The following IL22 variants were observed in gnomAD, a reference collection of about 807,000 sequenced individuals.
IL22 encodes the protein interleukin 22, also known as interleukin-22.
IL22 carries 15 observed loss-of-function variants against 15.5 expected under a neutral mutation model. The observed-to-expected ratio is 0.97, with a 90% CI of 0.65 to 1.49. The LOEUF (loss-of-function observed/expected upper bound fraction) is 1.49, where lower values mean the gene tolerates loss of function less well. Among genes scored for constraint, IL22 ranks in the 40% most tolerant of loss-of-function variants. The pLI, the probability that IL22 is intolerant of heterozygous loss-of-function variation, is 0.00. For synonymous variants in IL22, 91 were observed against 82.0 expected (o/e 1.11, Z -0.60); for missense variants, 225 against 215.4 (o/e 1.04, Z -0.28).
At chr12:68,251,701 G>T (rs1423234135) in intron 4 of IL22, 123 bp from the exon 5 acceptor site, 5 of 721,758 alleles carry the variant, frequency 6.9e-6, no homozygotes, top group Admixed American at 4.5e-5. Flanking sequence ...TGCCCACAAT[G>T]ACCTAGATTT....
At chr12:68,251,807 TC>T (rs781563027) in intron 4 of IL22, among the ~76,000 whole-genome samples, 58 of 152,294 alleles carry the variant, frequency 3.8e-4, no homozygotes, top group Non-Finnish European at 7.5e-4. Context: ...CTTTGGGAAA[TC>T]CTACTGAGGT....
rs1485417423 is a variant in IL22, at chr12:68,248,565, A to G, written c.*234T>C. 2.4e-6 allele frequency: 1 copy of G among 422,086 alleles called. No individual in the cohort carries two copies. The highest frequency in any genetic ancestry group is 3.8e-5 in the East Asian group (1 of 26,474). 26.1% of individuals were successfully genotyped at this position (422,086 alleles called of 1,614,324 possible). On this transcript the variant is annotated 3_prime_UTR_variant, in exon 6 of 6. Transcript: ENST00000538666. The stretch of plus-strand genomic sequence containing the variant: ...TTCTGTGTATAGAACACCAGTTACA[A>G]TGAAATGTTATCAATAAATATCTAT...
At chr12:68,251,434 A>T in intron 5 of IL22, 79 bp downstream of exon 5, 2 of 1,057,370 alleles carry the variant, frequency 1.9e-6, no homozygotes, top group Admixed American at 1.7e-5. Context: ...TCACAAAGTG[A>T]TGGGAAGAAA....
At position 68,253,444 on chromosome 12, in the gene IL22, G is replaced by A. The variant is rs759175508; in HGVS notation, c.5C>T (p.Ala2Val). ...AGAGCTCACAGATTTCTGCAGGGCGGCCATTGCAGACAATTCTAACTCGAG... is the reference window on the plus strand; with the variant it reads ...AGAGCTCACAGATTTCTGCAGGGCGACCATTGCAGACAATTCTAACTCGAG... MAALQKSVSSFL... is the reference protein window; with the variant it reads MVALQKSVSSFL... Residue 2 changes from alanine to valine, a missense_variant, in exon 2 of 6, where the codon GCC (alanine) becomes GTC (valine). Ala to Val is a moderately conservative substitution (Grantham distance 64). Coordinates refer to ENST00000538666, the MANE Select transcript of IL22 (RefSeq NM_020525.5). 1.4e-5 allele frequency: 23 copies of A among 1,594,250 alleles called. No homozygotes were observed. Among genetic ancestry groups the A allele is most frequent in the Non-Finnish European group, 1.8e-5 (21 of 1,168,338 alleles).
chr12:68,248,460 AT>A lies in IL22; in HGVS notation c.*338del, dbSNP rs1275412174. On this transcript the variant is annotated 3_prime_UTR_variant, in exon 6 of 6. Transcript: ENST00000538666. The stretch of plus-strand genomic sequence containing the variant: ...GTACTGATTATGGAAACATGAAGCT[AT>A]TTAGGGGTTTTTTCCCCTAAAGGAA... 1 of 163,500 alleles carries A rather than the reference AT, an allele frequency of 6.1e-6. No homozygotes were observed. The highest frequency in any genetic ancestry group is 1.3e-5 in the Non-Finnish European group (1 of 75,794). 10.1% of individuals were successfully genotyped at this position (163,500 alleles called of 1,614,324 possible).
Position 68,253,277 on chromosome 12 carries a change from T to A in IL22, c.172A>T (p.Met58Leu). 6.2e-7 allele frequency: 1 copy of A among 1,612,924 alleles called. No homozygotes were observed. Among genetic ancestry groups the A allele is most frequent in the Non-Finnish European group, 8.5e-7 (1 of 1,179,408 alleles). The change falls in exon 2 of 6, where the codon ATG becomes TTG. Residue 58 changes from methionine to leucine, a missense_variant. Physicochemically the swap from Met to Leu is conservative, Grantham distance 15. Coordinates refer to ENST00000538666, the MANE Select transcript of IL22 (RefSeq NM_020525.5). ...GAGATGTATACCTCCTTAGCCAGCA[T>A]GAAGGTGCGGTTGGTGATATAGGGC... ...QQPYITNRTF[M>L]LAKEASLADN...
chr12:68,253,283 T>A lies in IL22; in HGVS notation c.166A>T (p.Thr56Ser), dbSNP rs778198532. ...TATACCTCCTTAGCCAGCATGAAGG[T>A]GCGGTTGGTGATATAGGGCTGCTGG... The part of the protein sequence containing the change: ...NFQQPYITNR[T>S]FMLAKEASLA... Residue 56 changes from threonine to serine, a missense_variant, in exon 2 of 6, where the codon ACC (threonine) becomes TCC (serine). Coordinates refer to ENST00000538666, the MANE Select transcript of IL22 (RefSeq NM_020525.5). 6.2e-7 allele frequency: 1 copy of A among 1,612,436 alleles called. No individual in the cohort carries two copies. Among genetic ancestry groups the A allele is most frequent in the Non-Finnish European group, 8.5e-7 (1 of 1,179,288 alleles).
intron 5 of IL22, 137 bp downstream of exon 5, chr12:68,251,376 A>G: frequency 2.9e-6 from 2 of 683,226 alleles, no homozygotes; most frequent in Non-Finnish European, 5.3e-6. Flanking sequence ...ATCTACATAC[A>G]CAGACACCAA....
intron 5 of IL22, among the ~76,000 whole-genome samples, chr12:68,250,737 C>G (rs1242432714): frequency 6.6e-6 from 1 of 152,000 alleles, no homozygotes; most frequent in East Asian, 1.9e-4. Flanking sequence ...TAAATGCTCC[C>G]TAGGGATTTG....
intron 5 of IL22, 64 bp downstream of exon 5, chr12:68,251,444 AGAAAG>A: frequency 8.7e-7 from 1 of 1,148,978 alleles, no homozygotes; most frequent in Non-Finnish European, 1.3e-6. Context: ...ATGGGAAGAA[AGAAAG>A]GAAAGAAAAA....
At chr12:68,252,672 G>C (rs1231857752) in intron 3 of IL22, 25 bp from the exon 4 acceptor site, 2 of 1,613,824 alleles carry the variant, frequency 1.2e-6, no homozygotes, top group Non-Finnish European at 1.7e-6. Context: ...GAAACAGAAA[G>C]GGTCATAAGG....
rs1425001125 is a variant in IL22, at chr12:68,252,917, C to A, written c.187-88G>T. 7 of 974,128 alleles carry A rather than the reference C, an allele frequency of 7.2e-6. No individual in the cohort carries two copies. The African/African-American group carries it at 1.1e-4, about 16-fold the overall frequency. 60.3% of individuals were successfully genotyped at this position (974,128 alleles called of 1,614,324 possible). A position where few individuals can be genotyped will look rare whatever the true frequency, so the allele number is the denominator to read the frequency against. ...AGACATGTGCCCCATCCCGTCTCCC[C>A]AGAGCAACATCATAAAGACTAAAAG... On this transcript the variant is annotated intron_variant, in intron 2 of 5. Coordinates refer to ENST00000538666, the MANE Select transcript of IL22 (RefSeq NM_020525.5).
chr12:68,248,921 T>C lies in IL22; in HGVS notation c.463-45A>G, dbSNP rs1467847524. ...AAAGTATTTGAGCATTTATGCCATG[T>C]TTTCTAAAGTGAACAAATTAGAAAT... On this transcript the variant is annotated intron_variant, in intron 5 of 5. Transcript: ENST00000538666. 13 of 1,468,042 alleles carry C rather than the reference T, an allele frequency of 8.9e-6. No individual in the cohort carries two copies. The South Asian group carries it at 1.3e-4, about 14-fold the overall frequency. 90.9% of individuals were successfully genotyped at this position (1,468,042 alleles called of 1,614,324 possible).
intron 4 of IL22, 84 bp downstream of exon 4, chr12:68,252,420 G>T: frequency 7.3e-7 from 1 of 1,375,664 alleles, no homozygotes; most frequent in Non-Finnish European, 1.0e-6. Context: ...GGGGTAGGGG[G>T]AAGGAGAGAG....
At chr12:68,249,053 C>T (rs2227506) in intron 5 of IL22, among the ~76,000 whole-genome samples, 177 bp from the exon 6 acceptor site, 2,531 of 152,230 alleles carry the variant, frequency 0.017, 72 homozygotes, top group African/African-American at 0.058. Context: ...CTTAAAATGA[C>T]GGCTCTCTGG....
chr12:68,251,211 G>T (rs1248022601), intron 5 of IL22, among the ~76,000 whole-genome samples: 1 of 152,094 alleles, frequency 6.6e-6, no homozygotes, highest in Non-Finnish European at 1.5e-5. Flanking sequence ...AAAAGTGCTG[G>T]CTTGGGATTC....
chr12:68,251,405 A>C, intron 5 of IL22, 108 bp downstream of exon 5: 3 of 802,744 alleles, frequency 3.7e-6, no homozygotes, highest in Non-Finnish European at 6.6e-6. Context: ...CCCTGGTGGT[A>C]GGAGAATCAA....
chr12:68,248,775 A>G lies in IL22; in HGVS notation c.*24T>C, dbSNP rs376750729. 3.9e-4 allele frequency: 622 copies of G among 1,582,670 alleles called. 1 individual carries two copies. The highest frequency in any genetic ancestry group is 4.3e-4 in the Non-Finnish European group (499 of 1,154,874). ...TTCTAGCAGGGAAAGGGGGTTAGTT[A>G]TTCATTTTTCAGCTTTGCTCTGGTC... On this transcript the variant is annotated 3_prime_UTR_variant, in exon 6 of 6. Transcript: ENST00000538666.
chr12:68,251,634 C>T (rs534996783), intron 4 of IL22, 56 bp from the exon 5 acceptor site: 1 of 1,289,488 alleles, frequency 7.8e-7, no homozygotes, highest in East Asian at 2.3e-5. Context: ...CTTTATGAAC[C>T]TCCACACCCA....
Sources: allele counts gnomAD v4.1 joint callset (sites outside exome capture counted in the v4.1 genomes callset), GRCh38; gene constraint gnomAD v4.1.1; transcripts MANE v1.5; gene names NCBI Gene and HGNC (gene_info 2026-07-23, HGNC 2026-07-21).